SLC39A10: variants seen among roughly 807,000 people sequenced by gnomAD.
SLC39A10 encodes zinc transporter ZIP10.
Under a neutral mutation model 65.1 loss-of-function variants are expected in SLC39A10, and 13 were observed. The ratio of observed to expected loss-of-function variants is 0.20; its 90% CI spans 0.13 to 0.32. SLC39A10 has a LOEUF of 0.32. Among genes scored for constraint, SLC39A10 ranks in the 10% least tolerant of loss-of-function variants. SLC39A10 has a pLI of 1.00. For synonymous variants in SLC39A10, 321 were observed against 342.2 expected (o/e 0.94, Z 0.68); for missense variants, 831 against 1,018.4 (o/e 0.82, Z 2.50).
At chr2:195,681,266 C>A (rs187153238) in intron 2 of SLC39A10, among the ~76,000 whole-genome samples, 12 of 152,268 alleles carry the variant, frequency 7.9e-5, no homozygotes, top group African/African-American at 2.9e-4. Flanking sequence ...GTGGCTCACA[C>A]CTGTAATCCC....
chr2:195,626,141 C>T (rs1244853901), intron 2 of SLC39A10, among the ~76,000 whole-genome samples: 9 of 152,088 alleles, frequency 5.9e-5, no homozygotes, highest in Admixed American at 2.6e-4. Flanking sequence ...GTACATTTTC[C>T]GATTTAAAAC....
At chr2:195,622,699 G>A (rs530155222) in intron 2 of SLC39A10, among the ~76,000 whole-genome samples, 33 of 152,312 alleles carry the variant, frequency 2.2e-4, no homozygotes, top group African/African-American at 5.5e-4. Context: ...AGGGCCGGGC[G>A]CGGTGGCTCA....
chr2:195,659,044 A>T (rs571741572), intron 1 of SLC39A10, among the ~76,000 whole-genome samples: 49 of 152,356 alleles, frequency 3.2e-4, no homozygotes, highest in Non-Finnish European at 6.6e-4. Flanking sequence ...CTTAAATTTA[A>T]TCTAAAATTG....
upstream of SLC39A10, among the ~76,000 whole-genome samples, chr2:195,655,278 A>G (rs1215399782): frequency 6.6e-6 from 1 of 152,168 alleles, no homozygotes; most frequent in Non-Finnish European, 1.5e-5. Context: ...CTTGCATTGA[A>G]GTATTTCAGT....
chr2:195,652,958 T>G (rs1342515149), upstream of SLC39A10, among the ~76,000 whole-genome samples: 1 of 152,252 alleles, frequency 6.6e-6, no homozygotes, highest in African/African-American at 2.4e-5. Flanking sequence ...GCAGTCCTTA[T>G]GAGAATCTAA....
chr2:195,695,177 C>T (rs1259622743), intron 3 of SLC39A10, among the ~76,000 whole-genome samples: 1 of 152,202 alleles, frequency 6.6e-6, no homozygotes, highest in Non-Finnish European at 1.5e-5. Flanking sequence ...GGCTGTCTCA[C>T]TTTGCCTTTG....
intron 2 of SLC39A10, among the ~76,000 whole-genome samples, chr2:195,613,927 C>T (rs541330387): frequency 5.9e-5 from 9 of 152,194 alleles, no homozygotes; most frequent in South Asian, 2.1e-4. Context: ...AAGGAATCTT[C>T]GGTGGTGTAT....
At position 195,635,247 on chromosome 2, in the gene SLC39A10, T is replaced by C. The variant is rs545662811; in HGVS notation, c.-12+29014T>C. Among the ~76,000 whole-genome samples the C allele has an allele frequency of 2.0e-5, 3 of 152,324 alleles. No individual in the cohort carries two copies. The East Asian group carries it at 5.8e-4, about 29-fold the overall frequency. ...GGAAATTTGTTTTCACTTCCACGTA[T>C]CTTGTTAAAAGAAGAACCTTTCCTG... On this transcript the variant is annotated intron_variant, in intron 2 of 2. Transcript: ENST00000458054.
intron 3 of SLC39A10, among the ~76,000 whole-genome samples, chr2:195,693,726 T>C (rs1690833215): frequency 6.6e-6 from 1 of 151,958 alleles, no homozygotes; most frequent in Admixed American, 6.6e-5. Flanking sequence ...TCTATCAATT[T>C]TATTTATCTT....
chr2:195,720,946 A>T (rs1330513597), intron 8 of SLC39A10, among the ~76,000 whole-genome samples: 3 of 152,072 alleles, frequency 2.0e-5, no homozygotes, highest in Admixed American at 6.5e-5. Context: ...GATTTTATAT[A>T]TTTTTTTCCC....
At chr2:195,639,701 C>T (rs1411220797) in intron 2 of SLC39A10, among the ~76,000 whole-genome samples, 4 of 152,090 alleles carry the variant, frequency 2.6e-5, no homozygotes, top group African/African-American at 7.2e-5. Flanking sequence ...CTCAACCTCC[C>T]GAGTAGCTGG....
intron 7 of SLC39A10, 112 bp downstream of exon 7, chr2:195,717,117 A>C: frequency 7.1e-7 from 1 of 1,403,748 alleles, no homozygotes; most frequent in Non-Finnish European, 9.5e-7. Flanking sequence ...TGGTCAGTTG[A>C]TTTTTCCCAA....
At chr2:195,639,157 G>T (rs553061883) in intron 2 of SLC39A10, among the ~76,000 whole-genome samples, 1 of 152,168 alleles carries the variant, frequency 6.6e-6, no homozygotes, top group South Asian at 2.1e-4. Flanking sequence ...TTGCTATGTT[G>T]CCCAGGCTGG....
At chr2:195,630,180 T>C (rs532662320) in intron 2 of SLC39A10, among the ~76,000 whole-genome samples, 3 of 149,730 alleles carry the variant, frequency 2.0e-5, no homozygotes, top group Admixed American at 1.3e-4. Context: ...CTGAGACAAG[T>C]TTAATAAACT....
intron 2 of SLC39A10, among the ~76,000 whole-genome samples, chr2:195,617,986 A>G (rs1204382446): frequency 2.6e-4 from 38 of 146,622 alleles, no homozygotes; most frequent in African/African-American, 6.5e-4. Context: ...TGATCCGCCC[A>G]CCTTGGCCTC....
chr2:195,651,713 G>A (rs1205927772), intron 2 of SLC39A10, among the ~76,000 whole-genome samples: 1 of 152,110 alleles, frequency 6.6e-6, no homozygotes, highest in African/African-American at 2.4e-5. Context: ...GACCTCAAGT[G>A]ATCCACCCGC....
chr2:195,717,595 T>G (rs911403280), intron 7 of SLC39A10, among the ~76,000 whole-genome samples: 2 of 152,112 alleles, frequency 1.3e-5, no homozygotes, highest in African/African-American at 2.4e-5. Context: ...TTTTGTTTTT[T>G]TTTTTAAATA....
At chr2:195,652,577 T>A (rs115754938), upstream of SLC39A10, among the ~76,000 whole-genome samples, 3,440 of 150,448 alleles carry the variant, frequency 0.023, 132 homozygotes, top group African/African-American at 0.079. Context: ...AAGAAAATTT[T>A]AAAAAAAAGA....
chr2:195,650,481 G>C (rs1416694160), intron 2 of SLC39A10, among the ~76,000 whole-genome samples: 1 of 151,894 alleles, frequency 6.6e-6, no homozygotes, highest in East Asian at 1.9e-4. Context: ...ACTTGCCATG[G>C]TCAATCAGAG....
Sources: gnomAD v4.1 joint callset for allele counts (sites outside exome capture counted in the v4.1 genomes callset) on GRCh38, gnomAD v4.1.1 for gene constraint, MANE v1.5 for transcripts, NCBI Gene and HGNC (gene_info 2026-07-23, HGNC 2026-07-21) for gene names.